MGARP: variants seen among roughly 807,000 people sequenced by gnomAD.
MGARP encodes mitochondria localized glutamic acid rich protein.
Under a neutral mutation model 11.0 loss-of-function variants are expected in MGARP, and 12 were observed. The ratio of observed to expected loss-of-function variants is 1.09; its 90% CI spans 0.70 to 1.77. MGARP has a LOEUF of 1.77. MGARP is among the 40% of genes most tolerant of loss of function. MGARP has a pLI of 0.00. For missense variants in MGARP, 283 were observed against 297.8 expected, an observed-to-expected ratio of 0.95 and a Z score of 0.36; for synonymous variants, 110 against 115.4, an observed-to-expected ratio of 0.95 and a Z score of 0.30.
Position 139,280,189 on chromosome 4 carries a change from G to T in MGARP, c.-31C>A, listed in dbSNP as rs975077376. On this transcript the variant is annotated 5_prime_UTR_variant, in exon 1 of 4. Coordinates refer to ENST00000398955, the MANE Select transcript of MGARP (RefSeq NM_032623.4). ...CCGCTGTCCGCCGCGCAGCAGCCTC[G>T]GTACCCAGGCGCAGGCTGCCCTTCC... is the stretch of plus-strand genomic sequence containing the variant. 2.5e-6 allele frequency: 4 copies of T among 1,591,480 alleles called. No individual in the cohort carries two copies. The highest frequency in any genetic ancestry group is 1.7e-5 in the Admixed American group (1 of 57,986).
In MGARP at chr4:139,266,984, A is replaced by C; in HGVS notation, c.338T>G (p.Leu113Arg). ...ATCTACCACCTCAGCTTCCACTATA[A>C]GTTCTTCTGGGGCTTCTGAACTTGC... The part of the protein sequence containing the change: ...EKASSEAPEE[L>R]IVEAEVVDAE... Residue 113 changes from leucine (L) to arginine (R), a missense_variant, in exon 4 of 4, where the codon CTT becomes CGT. By Grantham distance (102) the Leu-to-Arg change is moderately radical (BLOSUM62 -2). Coordinates refer to ENST00000398955, the MANE Select transcript of MGARP (RefSeq NM_032623.4). 1 of 1,614,152 alleles carries C rather than the reference A, an allele frequency of 6.2e-7. No homozygotes were observed. The highest frequency in any genetic ancestry group is 8.5e-7 in the Non-Finnish European group (1 of 1,180,028).
At position 139,266,507 on chromosome 4, in the gene MGARP, C is replaced by CTT. The variant is rs202133262; in HGVS notation, c.*90_*91dup. ...CATTAACGTTTTCTAGAAAATAAGT[C>CTT]TTTTTTTTTTTAAACTAAGTGTACT... On this transcript the variant is annotated 3_prime_UTR_variant, in exon 4 of 4. Transcript: ENST00000398955. The CTT allele has an allele frequency of 5.2e-5, 52 of 1,008,830 alleles. No individual in the cohort carries two copies. Among genetic ancestry groups the CTT allele is most frequent in the African/African-American group, 8.4e-5 (5 of 59,482 alleles). 62.5% of individuals were successfully genotyped at this position (1,008,830 alleles called of 1,614,324 possible).
intron 2 of MGARP, among the ~76,000 whole-genome samples, chr4:139,275,028 A>G (rs1744844599): frequency 6.6e-6 from 1 of 152,212 alleles, no homozygotes; most frequent in African/African-American, 2.4e-5. Flanking sequence ...TAGAAAGCTG[A>G]GGTTCGAATG....
chr4:139,272,511 A>T (rs952415900), intron 2 of MGARP, among the ~76,000 whole-genome samples: 1 of 145,648 alleles, frequency 6.9e-6, no homozygotes, highest in Admixed American at 7.0e-5. Flanking sequence ...GTGAGCCGAG[A>T]TTGCATCACT....
intron 2 of MGARP, among the ~76,000 whole-genome samples, chr4:139,273,228 TA>T (rs1300752722): frequency 3.3e-5 from 5 of 151,946 alleles, no homozygotes; most frequent in Non-Finnish European, 5.9e-5. Flanking sequence ...TATTTATTAT[TA>T]TTTTTTTTGA....
At chr4:139,279,435 A>G (rs533817336) in intron 1 of MGARP, among the ~76,000 whole-genome samples, 165 of 152,110 alleles carry the variant, frequency 1.1e-3, no homozygotes, top group African/African-American at 3.0e-3. Context: ...ACGACGTGCA[A>G]CCTCAAAGGA....
rs376866121 is a variant in MGARP at position 139,266,611 on chromosome 4, C to G, written c.711G>C (p.Ser237=). The change falls in exon 4 of 4, where the codon TCG becomes TCC. Residue 237 remains serine (S), a synonymous_variant. Coordinates refer to ENST00000398955, the MANE Select transcript of MGARP (RefSeq NM_032623.4). ...TACCGGCTGGAGATTAGCCTTGAGC[C>G]GAAGCAGCCTCAGAGCCAACACTGG... ...EEASVGSEAA[S]AQG The G allele has an allele frequency of 1.2e-6, 2 of 1,612,458 alleles. No individual in the cohort carries two copies. Among genetic ancestry groups the G allele is most frequent in the African/African-American group, 1.3e-5 (1 of 74,816 alleles).
At chr4:139,270,990 A>T (rs1004805121) in intron 2 of MGARP, among the ~76,000 whole-genome samples, 3 of 152,122 alleles carry the variant, frequency 2.0e-5, no homozygotes, top group African/African-American at 7.2e-5. Flanking sequence ...AAAAAGACTA[A>T]CTTTAGGGAG....
At chr4:139,276,036 T>C (rs1744864273) in intron 1 of MGARP, among the ~76,000 whole-genome samples, 1 of 152,214 alleles carries the variant, frequency 6.6e-6, no homozygotes, top group Non-Finnish European at 1.5e-5. Context: ...ACTATATTAT[T>C]ATATTTAAAC....
chr4:139,270,222 C>G (rs1744757596), intron 2 of MGARP, among the ~76,000 whole-genome samples: 1 of 150,906 alleles, frequency 6.6e-6, no homozygotes, highest in Admixed American at 6.6e-5. Flanking sequence ...ATCACTTGAA[C>G]CCTGTAGGCA....
chr4:139,276,667 T>C (rs1744879504), intron 1 of MGARP, among the ~76,000 whole-genome samples: 1 of 151,942 alleles, frequency 6.6e-6, no homozygotes, highest in Admixed American at 6.6e-5. Context: ...GGCAATGTGG[T>C]GAACCCCATC....
At chr4:139,279,597 C>T (rs1237638290) in intron 1 of MGARP, among the ~76,000 whole-genome samples, 4 of 152,176 alleles carry the variant, frequency 2.6e-5, no homozygotes, top group Admixed American at 1.3e-4. Context: ...TGCCTCACTG[C>T]CTCCCAGCGC....
intron 2 of MGARP, among the ~76,000 whole-genome samples, chr4:139,272,815 A>G (rs1744805835): frequency 6.7e-6 from 1 of 149,028 alleles, no homozygotes; most frequent in African/African-American, 2.5e-5. Context: ...CCTCCAGAGT[A>G]GCTGGGATTA....
chr4:139,271,518 C>T (rs762034437), intron 2 of MGARP, among the ~76,000 whole-genome samples: 5 of 152,094 alleles, frequency 3.3e-5, no homozygotes, highest in East Asian at 1.9e-4. Flanking sequence ...AAGAGATACC[C>T]AGACCCTCAA....
At chr4:139,269,248 T>C (rs1228679819) in intron 2 of MGARP, among the ~76,000 whole-genome samples, 7 of 151,732 alleles carry the variant, frequency 4.6e-5, no homozygotes, top group Admixed American at 4.6e-4. Context: ...AAATATTTTC[T>C]AGCATTTATC....
intron 1 of MGARP, among the ~76,000 whole-genome samples, chr4:139,276,997 CA>C (rs1744884704): frequency 6.6e-6 from 1 of 152,162 alleles, no homozygotes; most frequent in Admixed American, 6.6e-5. Flanking sequence ...ACACCTTACA[CA>C]CATAGCCTGA....
chr4:139,267,146 G>A, intron 3 of MGARP, 105 bp from the exon 4 acceptor site: 1 of 1,047,560 alleles, frequency 9.5e-7, no homozygotes, highest in Non-Finnish European at 1.4e-6. Flanking sequence ...ATGCACTGAT[G>A]TGTAACAGTC....
chr4:139,267,248 G>C (rs760250515), intron 3 of MGARP, among the ~76,000 whole-genome samples: 4 of 152,094 alleles, frequency 2.6e-5, no homozygotes, highest in East Asian at 1.9e-4. Context: ...GGAGCAGGAG[G>C]GGGGTAAGTT....
At chr4:139,280,002 G>T in intron 1 of MGARP, 75 bp downstream of exon 1, 1 of 1,524,194 alleles carries the variant, frequency 6.6e-7, no homozygotes. Flanking sequence ...CTGGGTGCCG[G>T]CCGGTTCCCT....
Sources: gnomAD v4.1 joint callset for allele counts (sites outside exome capture counted in the v4.1 genomes callset) on GRCh38, gnomAD v4.1.1 for gene constraint, MANE v1.5 for transcripts, NCBI Gene and HGNC (gene_info 2026-07-23, HGNC 2026-07-21) for gene names.